The following USP49 variants were observed in gnomAD, a reference collection of about 807,000 sequenced individuals.
USP49 encodes the protein ubiquitin carboxyl-terminal hydrolase 49.
A neutral mutation model predicts 58.6 loss-of-function variants in USP49; 24 were observed. The observed-to-expected ratio is 0.41, with a 90% CI of 0.30 to 0.58. The LOEUF (loss-of-function observed/expected upper bound fraction) is 0.58. USP49 is among the 20% of genes least tolerant of loss of function. The pLI, the probability that USP49 is intolerant of heterozygous loss-of-function variation, is 0.30. For missense variants in USP49, 703 were observed against 866.1 expected, an observed-to-expected ratio of 0.81 and a Z score of 2.36; for synonymous variants, 408 against 365.1, an observed-to-expected ratio of 1.12 and a Z score of -1.34.
rs553478393 is a variant in USP49 at position 41,805,495 on chromosome 6, T to C, written c.1356+133A>G. The C allele has an allele frequency of 2.3e-5, 22 of 975,276 alleles. 1 individual carries two copies. In the African/African-American group the frequency reaches 2.5e-4, roughly 11 times the overall value. 60.4% of individuals were successfully genotyped at this position (975,276 alleles called of 1,614,324 possible). On this transcript the variant is annotated intron_variant, in intron 4 of 7. Transcript: ENST00000682992. ...ATGTACAGCAGAATGAAAGGTATAA[T>C]GGCCACCCTCCAAATTGCATAATCA...
At chr6:41,829,523 G>A (rs1773600088) in intron 3 of USP49, among the ~76,000 whole-genome samples, 1 of 152,164 alleles carries the variant, frequency 6.6e-6, no homozygotes, top group Non-Finnish European at 1.5e-5. Context: ...ATGTTGGTCA[G>A]GCTGGTCTTG....
At chr6:41,802,423 TTTTATTTTATTTATTTA>T (rs1251558759) in intron 5 of USP49, among the ~76,000 whole-genome samples, 1 of 110,330 alleles carries the variant, frequency 9.1e-6, no homozygotes, top group African/African-American at 3.4e-5. Flanking sequence ...TTTTATTTTA[TTTTATTTTATTTATTTA>T]TTTATTTATT....
intron 3 of USP49, among the ~76,000 whole-genome samples, chr6:41,851,433 C>T (rs1308011773): frequency 2.0e-5 from 3 of 152,164 alleles, no homozygotes; most frequent in Non-Finnish European, 4.4e-5. Context: ...TTCAACAAAA[C>T]ACCCTTTTAT....
chr6:41,800,207 TCC>T (rs1772974074), intron 5 of USP49, among the ~76,000 whole-genome samples: 2 of 152,286 alleles, frequency 1.3e-5, no homozygotes, highest in African/African-American at 4.8e-5. Flanking sequence ...GTAAGGCACA[TCC>T]CTTTGGCCTT....
chr6:41,827,952 T>C (rs1237329727), intron 3 of USP49, among the ~76,000 whole-genome samples: 1 of 152,148 alleles, frequency 6.6e-6, no homozygotes, highest in Non-Finnish European at 1.5e-5. Flanking sequence ...GTGAGATGAA[T>C]TACAAAGCTG....
intron 3 of USP49, among the ~76,000 whole-genome samples, chr6:41,861,971 GGA>G (rs1235872283): frequency 1.3e-5 from 2 of 151,978 alleles, no homozygotes; most frequent in Admixed American, 1.3e-4. Context: ...CAAAGTGCTG[GGA>G]TTACAGGCAT....
At chr6:41,840,462 T>A (rs1441125654) in intron 3 of USP49, among the ~76,000 whole-genome samples, 2 of 152,102 alleles carry the variant, frequency 1.3e-5, no homozygotes, top group Admixed American at 1.3e-4. Context: ...ATTGAGACCT[T>A]GGGTCAGTGA....
chr6:41,850,100 G>T (rs1452568207), intron 3 of USP49, among the ~76,000 whole-genome samples: 1 of 152,158 alleles, frequency 6.6e-6, no homozygotes, highest in Non-Finnish European at 1.5e-5. Context: ...TGGGATACAG[G>T]AAAAGCAGTG....
chr6:41,861,037 G>A (rs1774212238), intron 3 of USP49, among the ~76,000 whole-genome samples: 1 of 152,248 alleles, frequency 6.6e-6, no homozygotes, highest in South Asian at 2.1e-4. Context: ...GCTGAGGCAG[G>A]AGAATTGCTT....
At chr6:41,843,735 C>T (rs920439446) in intron 3 of USP49, among the ~76,000 whole-genome samples, 1 of 151,950 alleles carries the variant, frequency 6.6e-6, no homozygotes, top group African/African-American at 2.4e-5. Flanking sequence ...TGGCAAAACC[C>T]TGTCTCTAAT....
intron 3 of USP49, among the ~76,000 whole-genome samples, chr6:41,849,406 A>G (rs184227965): frequency 1.7e-3 from 265 of 152,288 alleles, no homozygotes; most frequent in African/African-American, 6.1e-3. Flanking sequence ...CAGAAGATCA[A>G]CATGGAAAGA....
At chr6:41,805,220 G>C (rs1773088633) in intron 4 of USP49, among the ~76,000 whole-genome samples, 1 of 152,196 alleles carries the variant, frequency 6.6e-6, no homozygotes, top group Non-Finnish European at 1.5e-5. Context: ...TACCTTCCCT[G>C]TATGTAAAGA....
chr6:41,818,935 CA>C (rs1383979095), intron 3 of USP49, among the ~76,000 whole-genome samples: 1 of 152,070 alleles, frequency 6.6e-6, no homozygotes, highest in Non-Finnish European at 1.5e-5. Flanking sequence ...TTACACAATG[CA>C]AACTACTTCC....
intron 3 of USP49, among the ~76,000 whole-genome samples, chr6:41,812,875 G>C (rs1368662590): frequency 6.6e-6 from 1 of 152,048 alleles, no homozygotes; most frequent in South Asian, 2.1e-4. Context: ...TTTTCTATCT[G>C]TATATATTCT....
At chr6:41,807,662 G>A (rs1581994463) in intron 3 of USP49, among the ~76,000 whole-genome samples, 1 of 151,814 alleles carries the variant, frequency 6.6e-6, no homozygotes, top group African/African-American at 2.4e-5. Context: ...GGTTGGTCTC[G>A]AACTCCTGAC....
rs533422739 is a variant in USP49, at chr6:41,847,784, G to A, written c.-29+23780C>T. Among the ~76,000 whole-genome samples, 11 of 152,014 alleles carry A rather than the reference G, an allele frequency of 7.2e-5. No homozygotes were observed. The South Asian group carries it at 2.3e-3, about 32-fold the overall frequency. On this transcript the variant is annotated intron_variant, in intron 3 of 7. Coordinates refer to ENST00000682992, the MANE Select transcript of USP49 (RefSeq NM_001286554.2). ...CAAAGAGCACATAAAGAACTTATAG[G>A]GCACGATCAGGACAACACATTCTGA...
At chr6:41,846,777 C>A (rs185902740) in intron 3 of USP49, among the ~76,000 whole-genome samples, 317 of 152,276 alleles carry the variant, frequency 2.1e-3, no homozygotes, top group African/African-American at 6.7e-3. Flanking sequence ...AAACCCCCCC[C>A]ATACTGGGTC....
At chr6:41,822,331 C>A (rs907429010) in intron 3 of USP49, among the ~76,000 whole-genome samples, 2 of 152,130 alleles carry the variant, frequency 1.3e-5, no homozygotes, top group Non-Finnish European at 2.9e-5. Context: ...AAAAAAGGAA[C>A]AATTTCTGTG....
chr6:41,807,383 G>T (rs1337693273), intron 3 of USP49, among the ~76,000 whole-genome samples: 1 of 152,138 alleles, frequency 6.6e-6, no homozygotes, highest in African/African-American at 2.4e-5. Context: ...AGAAATAAGA[G>T]AAAGAAAGTC....
Sources: allele counts gnomAD v4.1 joint callset (sites outside exome capture counted in the v4.1 genomes callset), GRCh38; gene constraint gnomAD v4.1.1; transcripts MANE v1.5; gene names NCBI Gene and HGNC (gene_info 2026-07-23, HGNC 2026-07-21).